The following SHISAL1 variants were observed in gnomAD, a reference collection of about 807,000 sequenced individuals.
SHISAL1 encodes the protein protein shisa-like-1.
In SHISAL1, 9 loss-of-function variants were observed where a neutral mutation model predicts 22.6. That is an observed-to-expected ratio of 0.40 (90% CI 0.24 to 0.70). SHISAL1 has a LOEUF of 0.70. Among genes scored for constraint, SHISAL1 ranks in the 30% least tolerant of loss-of-function variants. The probability of loss-of-function intolerance (pLI) is 0.39; values close to 1 mark genes in which losing one functional copy is unlikely to be tolerated. For synonymous variants in SHISAL1, 119 were observed against 115.4 expected, an observed-to-expected ratio of 1.03 and a Z score of -0.20; for missense variants, 246 against 270.6, an observed-to-expected ratio of 0.91 and a Z score of 0.64.
rs912562147 is a variant in SHISAL1, at chr22:44,245,384, A to C, written c.*4301T>G. The C allele has an allele frequency of 6.6e-6, 1 of 152,266 alleles. No individual in the cohort carries two copies. The highest frequency in any genetic ancestry group is 1.9e-4 in the East Asian group (1 of 5,202). 9.4% of individuals were successfully genotyped at this position (152,266 alleles called of 1,614,324 possible). A position where few individuals can be genotyped will look rare whatever the true frequency, so the allele number is the denominator to read the frequency against. ...GGCTGGAGTGCACTGGTGCGATCTC[A>C]GCTCACTGCAAGCTCTGCCTTCTGG... On this transcript the variant is annotated 3_prime_UTR_variant, in exon 5 of 5. Coordinates refer to ENST00000381176, the MANE Select transcript of SHISAL1 (RefSeq NM_001099294.2).
Position 44,281,114 on chromosome 22 carries a change from G to C in SHISAL1, c.599+4314C>G, listed in dbSNP as rs953034980. On this transcript the variant is annotated intron_variant, in intron 4 of 4. Coordinates refer to ENST00000381176, the MANE Select transcript of SHISAL1 (RefSeq NM_001099294.2). ...CTGAGGTGGGCCCTGGCTGTACAGAGGTGAGACCTGGGCTGTCAGGGTGAG... is the reference window on the plus strand; with the variant it reads ...CTGAGGTGGGCCCTGGCTGTACAGACGTGAGACCTGGGCTGTCAGGGTGAG... 2.0e-5 allele frequency among the ~76,000 whole-genome samples: 3 copies of C among 152,254 alleles called. No individual in the cohort carries two copies. In the East Asian group the frequency reaches 5.8e-4, roughly 30 times the overall value.
chr22:44,329,725 G>A, the SHISAL1 span, among the ~76,000 whole-genome samples: 385 of 152,276 alleles, frequency 2.5e-3, 1 homozygote, highest in African/African-American at 8.5e-3. Context: ...GAAGTGTCCC[G>A]CACTGAGCAG....
chr22:44,312,180 G>A (rs1380932433), intron 1 of SHISAL1, among the ~76,000 whole-genome samples: 1 of 152,186 alleles, frequency 6.6e-6, no homozygotes, highest in African/African-American at 2.4e-5. Flanking sequence ...CGTATTCGGA[G>A]GGGCCAATGC....
At position 44,291,348 on chromosome 22, in the gene SHISAL1, G is replaced by A. The variant is rs529598703; in HGVS notation, c.281+5324C>T. Among the ~76,000 whole-genome samples, 62 of 152,314 alleles carry A rather than the reference G, an allele frequency of 4.1e-4. 1 individual carries two copies. In the South Asian group the frequency reaches 0.012, roughly 31 times the overall value. ...CCTCTCCTTGGCATAACTAAGCCCA[G>A]GATGACCGATACGGCTGACCCAAAC... is the stretch of plus-strand genomic sequence containing the variant. On this transcript the variant is annotated intron_variant, in intron 3 of 4. Coordinates refer to ENST00000381176, the MANE Select transcript of SHISAL1 (RefSeq NM_001099294.2).
At chr22:44,250,652 T>C (rs903573947) in intron 4 of SHISAL1, among the ~76,000 whole-genome samples, 1 of 152,162 alleles carries the variant, frequency 6.6e-6, no homozygotes, top group Non-Finnish European at 1.5e-5. Context: ...GGGAGTCTAT[T>C]GGGAAGGGGA....
chr22:44,261,494 G>T (rs1204198899), intron 4 of SHISAL1, among the ~76,000 whole-genome samples: 1 of 152,088 alleles, frequency 6.6e-6, no homozygotes, highest in Non-Finnish European at 1.5e-5. Context: ...AGACAAGCCC[G>T]GGTTCAGGTC....
intron 4 of SHISAL1, among the ~76,000 whole-genome samples, chr22:44,276,355 C>T (rs1321957140): frequency 6.6e-6 from 1 of 152,018 alleles, no homozygotes; most frequent in East Asian, 1.9e-4. Context: ...CAGTGGGGTG[C>T]GGTGGAGTCA....
At chr22:44,273,792 T>G (rs1312223151) in intron 4 of SHISAL1, among the ~76,000 whole-genome samples, 1 of 152,124 alleles carries the variant, frequency 6.6e-6, no homozygotes, top group Non-Finnish European at 1.5e-5. Flanking sequence ...GGGATAAATG[T>G]TGCTTTATGA....
intron 3 of SHISAL1, among the ~76,000 whole-genome samples, chr22:44,293,782 T>G (rs2055368558): frequency 6.6e-6 from 1 of 152,170 alleles, no homozygotes; most frequent in Admixed American, 6.5e-5. Flanking sequence ...CTCAGCTATA[T>G]TATGTGCTCC....
At chr22:44,318,260 C>T in the SHISAL1 span, among the ~76,000 whole-genome samples, 9 of 152,404 alleles carry the variant, frequency 5.9e-5, no homozygotes, top group Middle Eastern at 3.4e-3. Flanking sequence ...TGCGTAGCAT[C>T]GGTCGACATC....
At chr22:44,290,166 A>G (rs1199417254) in intron 3 of SHISAL1, among the ~76,000 whole-genome samples, 1 of 152,244 alleles carries the variant, frequency 6.6e-6, no homozygotes, top group Non-Finnish European at 1.5e-5. Context: ...TGAGGCCAGC[A>G]GGCCAGAACG....
rs143961795 is a variant in SHISAL1 at position 44,257,880 on chromosome 22, G to A, written c.*-8195C>T. Among the ~76,000 whole-genome samples, 2,372 of 152,276 alleles carry A rather than the reference G, an allele frequency of 0.016. 137 individuals carry two copies. In the East Asian group the frequency reaches 0.19, roughly 12 times the overall value. ...TTTAAGGCCAGGCACGGTGGCTCACGCCTGTAATCCCAGCACTTTGGGAGG... is the reference window on the plus strand; with the variant it reads ...TTTAAGGCCAGGCACGGTGGCTCACACCTGTAATCCCAGCACTTTGGGAGG... On this transcript the variant is annotated intron_variant, in intron 4 of 4. Coordinates refer to ENST00000381176, the MANE Select transcript of SHISAL1 (RefSeq NM_001099294.2).
At position 44,270,840 on chromosome 22, in the gene SHISAL1, C is replaced by T. The variant is rs528471959; in HGVS notation, c.599+14588G>A. ...TCTCAGACAGCTCAAGCCAGCTCAC[C>T]GGGAAGCAGATCCTGGGATACAACG... On this transcript the variant is annotated intron_variant, in intron 4 of 4. Transcript: ENST00000381176. Among the ~76,000 whole-genome samples the T allele has an allele frequency of 1.8e-4, 28 of 152,290 alleles. No individual in the cohort carries two copies. In the East Asian group the frequency reaches 3.5e-3, roughly 19 times the overall value.
chr22:44,285,889 G>A lies in SHISAL1; in HGVS notation c.282-144C>T, dbSNP rs34055755. 4,850 of 696,320 alleles carry A rather than the reference G, an allele frequency of 7.0e-3. 177 individuals carry two copies. The African/African-American group carries it at 0.076, about 11-fold the overall frequency. The allele number at this position is 696,320 out of a possible 1,614,324, so 43.1% of individuals were successfully genotyped here. A position where few individuals can be genotyped will look rare whatever the true frequency, so the allele number is the denominator to read the frequency against. On this transcript the variant is annotated intron_variant, in intron 3 of 4. Coordinates refer to ENST00000381176, the MANE Select transcript of SHISAL1 (RefSeq NM_001099294.2). ...AGGGTACTGAGCCCCTCTGGAGGGC[G>A]GGGCCTTGGCTCCCTCTCCTCTGCC...
chr22:44,328,570 G>A, the SHISAL1 span, among the ~76,000 whole-genome samples: 10 of 151,708 alleles, frequency 6.6e-5, no homozygotes, highest in African/African-American at 1.5e-4. Context: ...CCCCCAACCC[G>A]CCCCAGAAGC....
chr22:44,292,711 C>T (rs1173699432), intron 3 of SHISAL1, among the ~76,000 whole-genome samples: 2 of 152,234 alleles, frequency 1.3e-5, no homozygotes, highest in African/African-American at 2.4e-5. Flanking sequence ...CTCAAGTCGT[C>T]GTCTGCCGCT....
rs1484394912 is a variant in SHISAL1, at chr22:44,310,956, A to G, written c.-33+1795T>C. On this transcript the variant is annotated intron_variant, in intron 1 of 4. Coordinates refer to ENST00000381176, the MANE Select transcript of SHISAL1 (RefSeq NM_001099294.2). The surrounding 1 kb of genome is among the most constrained non-coding windows in gnomAD (Gnocchi z 4.0). The stretch of plus-strand genomic sequence containing the variant: ...GCCATAGAGTAGGAACTCCATTAGC[A>G]CTCGTTGGCCTGGTTTGTTTTATTG... 1.3e-5 allele frequency among the ~76,000 whole-genome samples: 2 copies of G among 151,754 alleles called. No individual in the cohort carries two copies. The highest frequency in any genetic ancestry group is 2.9e-5 in the Non-Finnish European group (2 of 67,952).
the SHISAL1 span, among the ~76,000 whole-genome samples, chr22:44,330,073 G>C: frequency 2.6e-5 from 4 of 152,356 alleles, no homozygotes; most frequent in Admixed American, 6.5e-5. Flanking sequence ...ATTACTGACA[G>C]AAAACACTTT....
At position 44,305,477 on chromosome 22, in the gene SHISAL1, A is replaced by G. The variant is rs931277866; in HGVS notation, c.-32-4500T>C. ...AGAGGCCTTTATGCCTCTGGGGGACAGTTCCAGAGATGAACGCACACTGCA... is the reference window on the plus strand; with the variant it reads ...AGAGGCCTTTATGCCTCTGGGGGACGGTTCCAGAGATGAACGCACACTGCA... On this transcript the variant is annotated intron_variant, in intron 1 of 4. Coordinates refer to ENST00000381176, the MANE Select transcript of SHISAL1 (RefSeq NM_001099294.2). 2.6e-5 allele frequency among the ~76,000 whole-genome samples: 4 copies of G among 152,248 alleles called. No homozygotes were observed. The South Asian group carries it at 8.3e-4, about 32-fold the overall frequency.
Sources: allele counts gnomAD v4.1 joint callset (sites outside exome capture counted in the v4.1 genomes callset), GRCh38; gene constraint gnomAD v4.1.1; non-coding constraint Gnocchi (gnomAD v3.1); transcripts MANE v1.5; gene names NCBI Gene and HGNC (gene_info 2026-07-23, HGNC 2026-07-21).